The following NUDC variants were observed in gnomAD, a reference collection of about 807,000 sequenced individuals.
NUDC encodes nuclear migration protein nudC.
A neutral mutation model predicts 45.0 loss-of-function variants in NUDC; 14 were observed. The ratio of observed to expected loss-of-function variants is 0.31; its 90% CI spans 0.21 to 0.49. The LOEUF is 0.49. Ranked by LOEUF, NUDC falls within the 20% of genes least tolerant of loss-of-function variation. The pLI is 0.99. For missense variants in NUDC, 323 were observed against 426.2 expected (o/e 0.76, Z 2.13); for synonymous variants, 153 against 156.7 (o/e 0.98, Z 0.17).
chr1:26,902,064 C>G (rs771522941), intron 1 of NUDC, among the ~76,000 whole-genome samples: 26 of 152,176 alleles, frequency 1.7e-4, no homozygotes, highest in Non-Finnish European at 8.8e-5. Context: ...TAAGAAATGC[C>G]TTCCCACTGT....
At chr1:26,939,086 C>T (rs1447201146) in intron 2 of NUDC, among the ~76,000 whole-genome samples, 4 of 152,160 alleles carry the variant, frequency 2.6e-5, no homozygotes, top group African/African-American at 4.8e-5. Flanking sequence ...CTCTGCCTCC[C>T]GGGTTCAAGT....
At chr1:26,918,172 CT>C (rs770055094), upstream of NUDC, among the ~76,000 whole-genome samples, 691 of 130,352 alleles carry the variant, frequency 5.3e-3, 3 homozygotes, top group East Asian at 0.021. Flanking sequence ...CTTGATTTAT[CT>C]TTTTTTTTTT....
In NUDC at chr1:26,946,820, C is replaced by T. The variant is rs1298179758; in HGVS notation, c.*639C>T. 6.4e-6 allele frequency: 1 copy of T among 157,414 alleles called. No homozygotes were observed. Among genetic ancestry groups the T allele is most frequent in the Non-Finnish European group, 1.4e-5 (1 of 71,098 alleles). The allele number at this position is 157,414 out of a possible 1,614,324, so 9.8% of individuals were successfully genotyped here. On this transcript the variant is annotated 3_prime_UTR_variant, in exon 9 of 9. Transcript: ENST00000321265. ...TGAGCCGAGATTGCACTACTTCACT[C>T]CAGCATGGGTGACAGAGACTCCATC...
rs951056999 is a variant in NUDC, at chr1:26,946,457, G to T, written c.*276G>T. The stretch of plus-strand genomic sequence containing the variant: ...GGGGCACAGGCCTCTTACGGCTGCT[G>T]CTGGGAACTGGGAGTTTGGCTTCTA... On this transcript the variant is annotated 3_prime_UTR_variant, in exon 9 of 9. Transcript: ENST00000321265. 12 of 486,250 alleles carry T rather than the reference G, an allele frequency of 2.5e-5. No individual in the cohort carries two copies. In the South Asian group the frequency reaches 2.5e-4, roughly 10 times the overall value. 30.1% of individuals were successfully genotyped at this position (486,250 alleles called of 1,614,324 possible).
chr1:26,901,466 G>A (rs539269288), intron 1 of NUDC, among the ~76,000 whole-genome samples: 3 of 144,526 alleles, frequency 2.1e-5, no homozygotes, highest in African/African-American at 7.8e-5. Flanking sequence ...GTGCAATGGT[G>A]CGATCTCGGC....
intron 6 of NUDC, among the ~76,000 whole-genome samples, chr1:26,943,343 GACTACAGGTGT>G (rs1257240213): frequency 6.6e-6 from 1 of 152,118 alleles, no homozygotes; most frequent in Non-Finnish European, 1.5e-5. Context: ...GAGTAGCTAA[GACTACAGGTGT>G]ACACCACCAC....
chr1:26,903,321 A>G (rs1329305677), intron 2 of NUDC, among the ~76,000 whole-genome samples: 1 of 152,178 alleles, frequency 6.6e-6, no homozygotes, highest in African/African-American at 2.4e-5. Context: ...GATTAACATA[A>G]AATCCAGGGT....
intron 2 of NUDC, among the ~76,000 whole-genome samples, chr1:26,903,423 T>G (rs1395420116): frequency 1.3e-5 from 2 of 152,190 alleles, no homozygotes; most frequent in Non-Finnish European, 2.9e-5. Flanking sequence ...GTTCATTCTG[T>G]TATTCTTTAT....
At position 26,945,062 on chromosome 1, in the gene NUDC, T is replaced by C. The variant is rs189324387; in HGVS notation, c.742-328T>C. 16 of 368,590 alleles carry C rather than the reference T, an allele frequency of 4.3e-5. No individual in the cohort carries two copies. The East Asian group carries it at 7.9e-4, about 18-fold the overall frequency. The allele number at this position is 368,590 out of a possible 1,614,324, so 22.8% of individuals were successfully genotyped here. On this transcript the variant is annotated intron_variant, in intron 6 of 8. Transcript: ENST00000321265. ...CATCTCAAAAAATATATATATTTAT[T>C]TTCTTCCCATTTTAAATCTGGAATA...
chr1:26,901,776 A>G (rs1052658531), intron 1 of NUDC, among the ~76,000 whole-genome samples: 1 of 152,152 alleles, frequency 6.6e-6, no homozygotes, highest in South Asian at 2.1e-4. Flanking sequence ...GACAAAGTCT[A>G]CACATTATAC....
At chr1:26,943,297 C>T (rs56139710) in intron 6 of NUDC, among the ~76,000 whole-genome samples, 16,620 of 152,072 alleles carry the variant, frequency 0.11, 1,195 homozygotes, top group African/African-American at 0.21. Flanking sequence ...AGCCTTGAAC[C>T]CTTGGGCCCA....
At chr1:26,907,869 C>T (rs2082009092) in intron 2 of NUDC, among the ~76,000 whole-genome samples, 1 of 152,176 alleles carries the variant, frequency 6.6e-6, no homozygotes, top group South Asian at 2.1e-4. Context: ...TCCAGAACTT[C>T]ACAGGTTTGA....
intron 8 of NUDC, 106 bp downstream of exon 8, chr1:26,945,792 C>A: frequency 1.2e-6 from 1 of 867,734 alleles, no homozygotes; most frequent in East Asian, 2.4e-5. Flanking sequence ...CTGCCCTGCC[C>A]CCTTTCCAGC....
At chr1:26,936,619 C>T (rs1306816896) in intron 2 of NUDC, among the ~76,000 whole-genome samples, 1 of 151,904 alleles carries the variant, frequency 6.6e-6, no homozygotes, top group Non-Finnish European at 1.5e-5. Flanking sequence ...GGATTACAGG[C>T]GTGAGTCACC....
At chr1:26,935,231 C>T (rs574954706) in intron 2 of NUDC, among the ~76,000 whole-genome samples, 2 of 152,232 alleles carry the variant, frequency 1.3e-5, no homozygotes, top group Non-Finnish European at 2.9e-5. Context: ...TTCCGTGCCC[C>T]CTTGGCCTCC....
intron 2 of NUDC, among the ~76,000 whole-genome samples, chr1:26,931,701 C>T (rs1274611911): frequency 4.7e-5 from 7 of 150,262 alleles, no homozygotes; most frequent in Non-Finnish European, 1.0e-4. Flanking sequence ...ATCGCTTGAA[C>T]CCAGGAGTCA....
Position 26,941,561 on chromosome 1 carries a change from G to A in NUDC, c.264G>A (p.Ala88=), listed in dbSNP as rs142402287. The A allele has an allele frequency of 6.5e-5, 104 of 1,611,042 alleles. No homozygotes were observed. In the African/African-American group the frequency reaches 7.6e-4, roughly 12 times the overall value. ...EAERREKAER[A]ARLAKEAKSE... ...AGCGGCGGGAGAAGGCGGAGCGGGC[G>A]GCCAGACTGGCCAAGGAAGCCAAGT... is the stretch of plus-strand genomic sequence containing the variant. The change falls in exon 3 of 9, where the codon GCG becomes GCA. Residue 88 remains alanine (A), a synonymous_variant. Coordinates refer to ENST00000321265, the MANE Select transcript of NUDC (RefSeq NM_006600.4).
At chr1:26,939,239 C>T (rs1057094530) in intron 2 of NUDC, among the ~76,000 whole-genome samples, 8 of 152,136 alleles carry the variant, frequency 5.3e-5, no homozygotes, top group African/African-American at 1.9e-4. Flanking sequence ...GGTGATCTGC[C>T]CGCCTCAGCC....
At chr1:26,921,636 G>T (rs545227968), upstream of NUDC, 87 of 595,230 alleles carry the variant, frequency 1.5e-4, no homozygotes, top group Non-Finnish European at 2.1e-4. Context: ...TCGGCGAAGC[G>T]GGTTGCTTGC....
Sources: allele counts gnomAD v4.1 joint callset (sites outside exome capture counted in the v4.1 genomes callset), GRCh38; gene constraint gnomAD v4.1.1; transcripts MANE v1.5; gene names NCBI Gene and HGNC (gene_info 2026-07-23, HGNC 2026-07-21).